Variants in ADGRL4 observed in about 807,000 individuals in gnomAD.
ADGRL4 encodes EGF, latrophilin and seven transmembrane domain containing 1.
ADGRL4 carries 90 observed loss-of-function variants against 74.8 expected under a neutral mutation model. The ratio of observed to expected loss-of-function variants is 1.20; its 90% CI spans 1.02 to 1.43. ADGRL4 has a LOEUF of 1.43. Ranked by LOEUF, ADGRL4 falls within the 40% of genes most tolerant of loss-of-function variation. The probability of loss-of-function intolerance (pLI) is 0.00; values close to 1 mark genes in which losing one functional copy is unlikely to be tolerated. For missense variants in ADGRL4, 881 were observed against 814.3 expected, an observed-to-expected ratio of 1.08 and a Z score of -1.00; for synonymous variants, 311 against 279.2, an observed-to-expected ratio of 1.11 and a Z score of -1.14.
intron 8 of ADGRL4, among the ~76,000 whole-genome samples, chr1:78,925,903 C>A (rs1167109471): frequency 6.6e-6 from 1 of 151,962 alleles, no homozygotes; most frequent in Non-Finnish European, 1.5e-5. Flanking sequence ...GTATTAAAAA[C>A]GTCTTTTGCA....
intron 12 of ADGRL4, among the ~76,000 whole-genome samples, chr1:78,917,173 G>A (rs1434041800): frequency 2.0e-5 from 3 of 151,796 alleles, no homozygotes; most frequent in East Asian, 3.9e-4. Flanking sequence ...AATCTTCAAA[G>A]ATGACCGATC....
chr1:78,931,766 G>A (rs116502885), intron 7 of ADGRL4, among the ~76,000 whole-genome samples: 1,993 of 151,242 alleles, frequency 0.013, 154 homozygotes, highest in African/African-American at 0.047. Context: ...GAAAAAAAAA[G>A]CAGGAGTTGG....
chr1:78,955,325 A>G (rs1277890818), intron 2 of ADGRL4, among the ~76,000 whole-genome samples: 1 of 152,112 alleles, frequency 6.6e-6, no homozygotes, highest in East Asian at 1.9e-4. Flanking sequence ...ACAATTATCA[A>G]CTATTGCCTC....
intron 7 of ADGRL4, among the ~76,000 whole-genome samples, chr1:78,931,955 C>T (rs926922856): frequency 6.6e-6 from 1 of 151,430 alleles, no homozygotes; most frequent in African/African-American, 2.5e-5. Flanking sequence ...TACAAAGAGA[C>T]TTAGACTCCC....
At chr1:78,991,012 C>T (rs1650598507) in intron 2 of ADGRL4, among the ~76,000 whole-genome samples, 1 of 152,020 alleles carries the variant, frequency 6.6e-6, no homozygotes, top group South Asian at 2.1e-4. Flanking sequence ...TCTGTTCAAT[C>T]TCATGAAAAC....
At chr1:78,995,341 GA>G in intron 2 of ADGRL4, among the ~76,000 whole-genome samples, 1 of 152,198 alleles carries the variant, frequency 6.6e-6, no homozygotes, top group Non-Finnish European at 1.5e-5. Flanking sequence ...AGAAAATATG[GA>G]AAAAACGCTT....
chr1:78,946,226 A>G, intron 3 of ADGRL4, 48 bp downstream of exon 3: 2 of 1,512,766 alleles, frequency 1.3e-6, no homozygotes, highest in South Asian at 1.3e-5. Context: ...TGGAGGTAAC[A>G]AACAATAAGA....
intron 2 of ADGRL4, among the ~76,000 whole-genome samples, chr1:78,966,882 T>C (rs1158671588): frequency 6.7e-6 from 1 of 148,994 alleles, no homozygotes; most frequent in East Asian, 1.9e-4. Context: ...TTTTTTTTTT[T>C]CATTTAGAAG....
Position 78,921,679 on chromosome 1 carries a change from G to A in ADGRL4, c.1191C>T (p.Thr397=). Residue 397 remains threonine, a synonymous_variant, in exon 9 of 15, where the codon ACC becomes ACT. Coordinates refer to ENST00000370742, the MANE Select transcript of ADGRL4 (RefSeq NM_022159.4). The part of the protein sequence containing the change: ...EGCELTYSNE[T]HTSCRCNHLT... ...GGTGATTACAGCGGCATGAGGTGTG[G>A]GTCTCATTTGAGTATGTCAGCTCAC... The A allele has an allele frequency of 6.2e-7, 1 of 1,602,670 alleles. No homozygotes were observed. The highest frequency in any genetic ancestry group is 8.5e-7 in the Non-Finnish European group (1 of 1,174,402).
chr1:78,936,448 A>T, intron 6 of ADGRL4, 37 bp from the exon 7 acceptor site: 1 of 1,498,084 alleles, frequency 6.7e-7, no homozygotes. Flanking sequence ...AAGTGAAATT[A>T]CTTTAATCAA....
chr1:78,934,967 T>C (rs1309734258), intron 7 of ADGRL4, among the ~76,000 whole-genome samples: 6 of 152,206 alleles, frequency 3.9e-5, no homozygotes, highest in Non-Finnish European at 8.8e-5. Flanking sequence ...GAATGTAAAT[T>C]AGTTCAACCA....
rs554047458 is a variant in ADGRL4 at position 78,958,463 on chromosome 1, T to C, written c.173-12037A>G. 1.6e-4 allele frequency among the ~76,000 whole-genome samples: 25 copies of C among 152,238 alleles called. No homozygotes were observed. In the South Asian group the frequency reaches 3.9e-3, roughly 24 times the overall value. ...TTAACAGTAGTTTGGAAGAAGCTGA[T>C]TCCAACCCTCATAGATGACTTGGAG... On this transcript the variant is annotated intron_variant, in intron 2 of 14. Coordinates refer to ENST00000370742, the MANE Select transcript of ADGRL4 (RefSeq NM_022159.4).
At chr1:78,976,281 A>T (rs1650278202) in intron 2 of ADGRL4, among the ~76,000 whole-genome samples, 1 of 152,044 alleles carries the variant, frequency 6.6e-6, no homozygotes, top group African/African-American at 2.4e-5. Flanking sequence ...CTGAAAGCAT[A>T]ATAGTGAGCA....
chr1:78,952,220 G>A lies in ADGRL4; in HGVS notation c.173-5794C>T, dbSNP rs138463276. Among the ~76,000 whole-genome samples, 175 of 151,526 alleles carry A rather than the reference G, an allele frequency of 1.2e-3. 1 individual carries two copies. The highest frequency in any genetic ancestry group is 1.6e-3 in the East Asian group (8 of 5,156). The stretch of plus-strand genomic sequence containing the variant: ...TCCTGTACACATTTTCCCTCTGGAC[G>A]TGATTGCCAGTGTTGCTCCGTAAAC... On this transcript the variant is annotated intron_variant, in intron 2 of 14. Coordinates refer to ENST00000370742, the MANE Select transcript of ADGRL4 (RefSeq NM_022159.4).
intron 13 of ADGRL4, 42 bp downstream of exon 13, chr1:78,893,056 A>C: frequency 2.1e-6 from 2 of 962,520 alleles, no homozygotes; most frequent in Non-Finnish European, 3.1e-6. Flanking sequence ...GCTTTTAATT[A>C]CCAAAAAAAA....
intron 7 of ADGRL4, among the ~76,000 whole-genome samples, chr1:78,929,877 C>T (rs538526197): frequency 9.2e-5 from 14 of 151,524 alleles, no homozygotes; most frequent in Admixed American, 2.0e-4. Context: ...TCACTATAAT[C>T]GGTATTTTCA....
chr1:78,914,177 C>T (rs183143426), intron 12 of ADGRL4, among the ~76,000 whole-genome samples: 2 of 151,916 alleles, frequency 1.3e-5, no homozygotes, highest in East Asian at 3.9e-4. Flanking sequence ...AAAGTAGAAC[C>T]TGCTTCTTGT....
At chr1:79,005,640 G>C (rs1243706091) in intron 1 of ADGRL4, among the ~76,000 whole-genome samples, 1 of 152,142 alleles carries the variant, frequency 6.6e-6, no homozygotes, top group African/African-American at 2.4e-5. Flanking sequence ...GGTAAATTGA[G>C]TATTCAGGTT....
At chr1:78,909,627 T>G (rs187190647) in intron 12 of ADGRL4, among the ~76,000 whole-genome samples, 39 of 152,012 alleles carry the variant, frequency 2.6e-4, no homozygotes, top group African/African-American at 7.5e-4. Flanking sequence ...CCATTTATTT[T>G]TATTATCTAC....
Sources: gnomAD v4.1 joint callset for allele counts (sites outside exome capture counted in the v4.1 genomes callset) on GRCh38, gnomAD v4.1.1 for gene constraint, MANE v1.5 for transcripts, NCBI Gene and HGNC (gene_info 2026-07-23, HGNC 2026-07-21) for gene names.